CCDC73: variants seen among roughly 807,000 people sequenced by gnomAD.
CCDC73 encodes coiled-coil domain-containing protein 73.
Under a neutral mutation model 116.5 loss-of-function variants are expected in CCDC73, and 95 were observed. The ratio of observed to expected loss-of-function variants is 0.82; its 90% CI spans 0.69 to 0.97. The LOEUF (loss-of-function observed/expected upper bound fraction) is 0.97, where lower values mean the gene tolerates loss of function less well. Among genes scored for constraint, CCDC73 ranks in the 50% least tolerant of loss-of-function variants. The pLI, the probability that CCDC73 is intolerant of heterozygous loss-of-function variation, is 0.00. For missense variants in CCDC73, 1,066 were observed against 1,206.8 expected (o/e 0.88, Z 1.73); for synonymous variants, 398 against 401.3 (o/e 0.99, Z 0.10).
chr11:32,780,318 C>T (rs1028468642), intron 1 of CCDC73, among the ~76,000 whole-genome samples: 4 of 151,504 alleles, frequency 2.6e-5, no homozygotes, highest in Admixed American at 2.6e-4. Context: ...ACATATTTAC[C>T]TATAAAATTA....
At chr11:32,607,572 A>G (rs1223408008) in intron 17 of CCDC73, among the ~76,000 whole-genome samples, 1 of 152,188 alleles carries the variant, frequency 6.6e-6, no homozygotes, top group Non-Finnish European at 1.5e-5. Context: ...TTAGAAATGG[A>G]TGTTTAGCTT....
At chr11:32,675,464 C>T (rs1000179501) in intron 9 of CCDC73, 101 bp downstream of exon 9, 5 of 664,530 alleles carry the variant, frequency 7.5e-6, no homozygotes, top group Admixed American at 6.9e-5. Context: ...ACAATTTATC[C>T]TCTACCAAAA....
the CCDC73 span, among the ~76,000 whole-genome samples, chr11:32,819,481 T>TA: frequency 4.0e-5 from 6 of 151,368 alleles, no homozygotes; most frequent in East Asian, 3.9e-4. Flanking sequence ...TTTTTTTTTT[T>TA]AAATAGGGTC....
At chr11:32,613,356 G>T in intron 16 of CCDC73, 66 bp downstream of exon 16, 1 of 1,299,446 alleles carries the variant, frequency 7.7e-7, no homozygotes, top group Non-Finnish European at 1.1e-6. Context: ...AAATATGACT[G>T]TACACATTTA....
At chr11:32,790,004 A>G (rs142455174) in intron 1 of CCDC73, among the ~76,000 whole-genome samples, 1 of 152,276 alleles carries the variant, frequency 6.6e-6, no homozygotes, top group African/African-American at 2.4e-5. Context: ...AGGGTATTTT[A>G]GAGGGAAAAA....
At chr11:32,669,698 A>G (rs2133281335) in intron 9 of CCDC73, among the ~76,000 whole-genome samples, 1 of 152,238 alleles carries the variant, frequency 6.6e-6, no homozygotes, top group East Asian at 1.9e-4. Context: ...TCCCACAAAT[A>G]AATGAGAACT....
chr11:32,623,667 G>A (rs973925745), intron 14 of CCDC73, among the ~76,000 whole-genome samples: 2 of 152,136 alleles, frequency 1.3e-5, no homozygotes, highest in Non-Finnish European at 2.9e-5. Context: ...ATTGCCCTAT[G>A]TTGAAGGATG....
chr11:32,754,980 C>T (rs960838102), intron 2 of CCDC73, among the ~76,000 whole-genome samples: 4 of 148,754 alleles, frequency 2.7e-5, no homozygotes, highest in East Asian at 2.0e-4. Context: ...CTCTGTCTCC[C>T]GGATTCAAGC....
chr11:32,809,403 T>C, the CCDC73 span, among the ~76,000 whole-genome samples: 1 of 152,138 alleles, frequency 6.6e-6, no homozygotes, highest in Non-Finnish European at 1.5e-5. Context: ...AGAGTCTGGT[T>C]AGGACGCTAG....
upstream of CCDC73, among the ~76,000 whole-genome samples, chr11:32,794,820 G>A (rs1850709165): frequency 6.6e-6 from 1 of 151,948 alleles, no homozygotes; most frequent in Non-Finnish European, 1.5e-5. Flanking sequence ...AGTACAACAT[G>A]TATTGGCTTA....
At chr11:32,684,149 G>C (rs1856172952) in intron 6 of CCDC73, among the ~76,000 whole-genome samples, 1 of 152,132 alleles carries the variant, frequency 6.6e-6, no homozygotes, top group South Asian at 2.1e-4. Context: ...CTGGGCTCAA[G>C]CAATCCTCCT....
intron 2 of CCDC73, among the ~76,000 whole-genome samples, chr11:32,753,293 C>CTT (rs11309977): frequency 1.0e-4 from 13 of 127,804 alleles, no homozygotes; most frequent in African/African-American, 2.0e-4. Context: ...TTCTTTTCTG[C>CTT]TTTTTTTTTT....
At chr11:32,712,580 TA>T (rs11426809) in intron 3 of CCDC73, among the ~76,000 whole-genome samples, 25 of 151,846 alleles carry the variant, frequency 1.6e-4, no homozygotes, top group African/African-American at 5.6e-4. Context: ...AAATAAAAAA[TA>T]AGAGGCATGA....
In CCDC73 at chr11:32,718,029, C is replaced by A; in HGVS notation, c.207+47G>T. ...CGTGGGGGTTACGGGGATTACAATT[C>A]AAGATGAGATTTGGCTGGGGACACA... is the stretch of plus-strand genomic sequence containing the variant. On this transcript the variant is annotated intron_variant, in intron 3 of 17. Coordinates refer to ENST00000335185, the MANE Select transcript of CCDC73 (RefSeq NM_001008391.4). 3 of 1,332,648 alleles carry A rather than the reference C, an allele frequency of 2.3e-6. No individual in the cohort carries two copies. In the East Asian group the frequency reaches 7.0e-5, roughly 31 times the overall value. The allele number at this position is 1,332,648 out of a possible 1,614,324, so 82.6% of individuals were successfully genotyped here.
Position 32,760,223 on chromosome 11 carries a change from A to C in CCDC73, c.21T>G (p.Thr7=). 1 of 1,569,726 alleles carries C rather than the reference A, an allele frequency of 6.4e-7. No homozygotes were observed. The highest frequency in any genetic ancestry group is 8.7e-7 in the Non-Finnish European group (1 of 1,154,836). ...GAAGAGTAAAAGTAGATGATGACTC[A>C]GTATTGAAGTTGCTTTCCATATTAA... MESNFN[T]ESSSTFTLQS... is the part of the protein sequence containing the mutation. Residue 7 remains threonine, a synonymous_variant, in exon 2 of 18, where the codon ACT becomes ACG. Coordinates refer to ENST00000335185, the MANE Select transcript of CCDC73 (RefSeq NM_001008391.4).
the CCDC73 span, among the ~76,000 whole-genome samples, chr11:32,804,296 G>A: frequency 2.6e-5 from 4 of 152,132 alleles, no homozygotes; most frequent in African/African-American, 4.8e-5. Flanking sequence ...ACACCACAAC[G>A]CTCCGCTAAT....
the CCDC73 span, chr11:32,829,836 G>T: frequency 1.0e-6 from 1 of 985,408 alleles, no homozygotes; most frequent in Non-Finnish European, 1.2e-6. Context: ...GGGAGACGCC[G>T]GCCCACTGCC....
At chr11:32,736,699 G>A (rs1261875047) in intron 2 of CCDC73, among the ~76,000 whole-genome samples, 2 of 151,740 alleles carry the variant, frequency 1.3e-5, no homozygotes, top group East Asian at 3.9e-4. Context: ...CTGCTGTAAA[G>A]ACACATGCAC....
At chr11:32,732,876 C>A (rs1320113692) in intron 2 of CCDC73, among the ~76,000 whole-genome samples, 1 of 152,128 alleles carries the variant, frequency 6.6e-6, no homozygotes, top group Non-Finnish European at 1.5e-5. Context: ...AGCAAAATAA[C>A]CAGCTAACAT....
Sources: allele counts gnomAD v4.1 joint callset (sites outside exome capture counted in the v4.1 genomes callset), GRCh38; gene constraint gnomAD v4.1.1; transcripts MANE v1.5; gene names NCBI Gene and HGNC (gene_info 2026-07-23, HGNC 2026-07-21).